PLPP1: variants seen among roughly 807,000 people sequenced by gnomAD.
PLPP1 encodes the protein lipid phosphate phosphohydrolase 1a.
In PLPP1, 24 loss-of-function variants were observed where a neutral mutation model predicts 31.2. That is an observed-to-expected ratio of 0.77 (90% CI 0.56 to 1.08). The LOEUF is 1.08. Ranked by LOEUF, PLPP1 falls within the 50% of genes least tolerant of loss-of-function variation. PLPP1 has a pLI of 0.00. For missense variants in PLPP1, 319 were observed against 342.7 expected, an observed-to-expected ratio of 0.93 and a Z score of 0.55; for synonymous variants, 146 against 126.3, an observed-to-expected ratio of 1.16 and a Z score of -1.05.
At chr5:55,512,537 AAAG>A (rs1277614270) in intron 1 of PLPP1, among the ~76,000 whole-genome samples, 1 of 12,248 alleles carries the variant, frequency 8.2e-5, no homozygotes, top group African/African-American at 1.6e-4. Context: ...AGAAAGAAAG[AAAG>A]AAAGAAAGAA....
At chr5:55,469,120 C>G (rs1195736127) in intron 2 of PLPP1, among the ~76,000 whole-genome samples, 1 of 152,018 alleles carries the variant, frequency 6.6e-6, no homozygotes, top group South Asian at 2.1e-4. Flanking sequence ...TCAAAGAATA[C>G]TGAATGGCAA....
At chr5:55,474,003 T>TG (rs1752481193) in intron 2 of PLPP1, among the ~76,000 whole-genome samples, 2 of 91,040 alleles carry the variant, frequency 2.2e-5, no homozygotes, top group Admixed American at 1.2e-4. Flanking sequence ...TGTTGTTTTT[T>TG]TTTTTTTTTT....
At chr5:55,425,613 T>C (rs1167701821) in intron 5 of PLPP1, 1 of 448,112 alleles carries the variant, frequency 2.2e-6, no homozygotes, top group Non-Finnish European at 3.8e-6. Flanking sequence ...CATAATCCCC[T>C]AAAAAAACTA....
chr5:55,525,493 T>C (rs1479918862), intron 1 of PLPP1, among the ~76,000 whole-genome samples: 3 of 152,168 alleles, frequency 2.0e-5, no homozygotes, highest in East Asian at 3.8e-4. Context: ...TTCCCAATTT[T>C]ATAATTTTTG....
intron 1 of PLPP1, among the ~76,000 whole-genome samples, chr5:55,487,268 T>G (rs907433008): frequency 5.3e-5 from 8 of 152,106 alleles, no homozygotes; most frequent in Non-Finnish European, 1.2e-4. Flanking sequence ...CTATCATTAC[T>G]CTGAAAGTTT....
chr5:55,531,350 T>C (rs754900579), intron 1 of PLPP1, among the ~76,000 whole-genome samples: 2 of 152,166 alleles, frequency 1.3e-5, no homozygotes, highest in Non-Finnish European at 2.9e-5. Context: ...GACAGAAACA[T>C]ATACACACAC....
chr5:55,488,804 A>G (rs909658811), intron 1 of PLPP1, among the ~76,000 whole-genome samples: 2 of 152,190 alleles, frequency 1.3e-5, no homozygotes, highest in Admixed American at 6.5e-5. Context: ...TTTAATTAAT[A>G]AAAGATCATG....
chr5:55,520,877 C>G (rs1322668244), intron 1 of PLPP1, among the ~76,000 whole-genome samples: 5 of 152,224 alleles, frequency 3.3e-5, no homozygotes, highest in Non-Finnish European at 7.3e-5. Flanking sequence ...CTCTGCTGTA[C>G]AGCAACAGCA....
chr5:55,425,275 C>T lies in PLPP1; in HGVS notation c.786G>A (p.Glu262=). The part of the protein sequence containing the change: ...ERTSFKERKE[E]DSHTTLHETP... ...TTTCATGCAGAGTTGTATGAGAGTC[C>T]TCCTCTTTTCTTTCTTTAAAAGAAG... The change falls in exon 6 of 6, where the codon GAG becomes GAA. Residue 262 remains glutamate, a synonymous_variant. Coordinates refer to ENST00000307259, the MANE Select transcript of PLPP1 (RefSeq NM_003711.4). The T allele has an allele frequency of 6.2e-7, 1 of 1,611,880 alleles. No homozygotes were observed. The highest frequency in any genetic ancestry group is 1.1e-5 in the South Asian group (1 of 90,922).
intron 1 of PLPP1, among the ~76,000 whole-genome samples, chr5:55,476,505 T>C (rs1328015347): frequency 6.6e-6 from 1 of 152,188 alleles, no homozygotes; most frequent in Non-Finnish European, 1.5e-5. Context: ...GAACTTGACC[T>C]ACTGATTAAT....
At chr5:55,432,859 GATAA>G (rs1410349423) in intron 4 of PLPP1, among the ~76,000 whole-genome samples, 5 of 150,488 alleles carry the variant, frequency 3.3e-5, no homozygotes, top group African/African-American at 1.2e-4. Context: ...AACTCAACAT[GATAA>G]ATGTTGCATG....
At chr5:55,489,301 G>C (rs1375240774) in intron 1 of PLPP1, among the ~76,000 whole-genome samples, 1 of 152,070 alleles carries the variant, frequency 6.6e-6, no homozygotes, top group Non-Finnish European at 1.5e-5. Flanking sequence ...ACTTTATCTG[G>C]CAACAGTTGC....
At chr5:55,518,262 A>C (rs1484142299) in intron 1 of PLPP1, among the ~76,000 whole-genome samples, 1 of 152,234 alleles carries the variant, frequency 6.6e-6, no homozygotes, top group Non-Finnish European at 1.5e-5. Context: ...TATGTAGATT[A>C]TCCAGCTATT....
intron 2 of PLPP1, among the ~76,000 whole-genome samples, chr5:55,472,666 GAGACAGAAAGAGAGAGAT>G (rs1386275855): frequency 1.4e-5 from 2 of 146,850 alleles, no homozygotes; most frequent in Admixed American, 6.8e-5. Context: ...AAGAGAGAGA[GAGACAGAAAGAGAGAGAT>G]AAAGACAGAA....
rs370204769 is a variant in PLPP1 at position 55,455,342 on chromosome 5, G to A, written c.491+12527C>T. On this transcript the variant is annotated intron_variant, in intron 3 of 5. Transcript: ENST00000307259. ...CACAGTGGCTCACACCTGTAATCCC[G>A]GCACTGTAGGACACCGAGGCAGGCA... Among the ~76,000 whole-genome samples the A allele has an allele frequency of 6.6e-5, 10 of 152,162 alleles. No individual in the cohort carries two copies. In the South Asian group the frequency reaches 8.3e-4, roughly 13 times the overall value.
chr5:55,468,283 T>A, intron 2 of PLPP1, 134 bp from the exon 3 acceptor site: 1 of 768,150 alleles, frequency 1.3e-6, no homozygotes. Flanking sequence ...AGCCCCTTTT[T>A]TCTTTACAAT....
At chr5:55,448,406 C>T (rs1202542092) in intron 3 of PLPP1, among the ~76,000 whole-genome samples, 2 of 150,270 alleles carry the variant, frequency 1.3e-5, no homozygotes, top group Admixed American at 6.6e-5. Context: ...ACGTTTACTG[C>T]AACACTGCCG....
intron 2 of PLPP1, among the ~76,000 whole-genome samples, chr5:55,468,480 G>A (rs1284407177): frequency 6.6e-6 from 1 of 151,834 alleles, no homozygotes. Context: ...GATATATCCT[G>A]GAGGACAAAA....
chr5:55,532,124 A>G (rs1176395008), intron 1 of PLPP1, among the ~76,000 whole-genome samples: 1 of 152,214 alleles, frequency 6.6e-6, no homozygotes, highest in Non-Finnish European at 1.5e-5. Flanking sequence ...ATTAACCTTT[A>G]TAGGATAATT....
Sources: allele counts gnomAD v4.1 joint callset (sites outside exome capture counted in the v4.1 genomes callset), GRCh38; gene constraint gnomAD v4.1.1; transcripts MANE v1.5; gene names NCBI Gene and HGNC (gene_info 2026-07-23, HGNC 2026-07-21).